PLD5: variants seen among roughly 807,000 people sequenced by gnomAD.
PLD5 encodes the protein inactive phospholipase D5.
A neutral mutation model predicts 61.1 loss-of-function variants in PLD5; 36 were observed. The ratio of observed to expected loss-of-function variants is 0.59; its 90% CI spans 0.45 to 0.78. The LOEUF (loss-of-function observed/expected upper bound fraction) is 0.78, where lower values mean the gene tolerates loss of function less well. Ranked by LOEUF, PLD5 falls within the 30% of genes least tolerant of loss-of-function variation. The pLI is 0.00. For missense variants in PLD5, 515 were observed against 644.4 expected (o/e 0.80, Z 2.17); for synonymous variants, 243 against 242.8 (o/e 1.00, Z -0.01).
intron 5 of PLD5, among the ~76,000 whole-genome samples, chr1:242,135,552 G>T (rs551207925): frequency 4.6e-5 from 7 of 152,146 alleles, no homozygotes; most frequent in African/African-American, 1.7e-4. Flanking sequence ...CCATTTTTCA[G>T]CATTGGATGC....
intron 5 of PLD5, among the ~76,000 whole-genome samples, chr1:242,215,599 A>G (rs1284984058): frequency 6.6e-6 from 1 of 152,170 alleles, no homozygotes; most frequent in Non-Finnish European, 1.5e-5. Flanking sequence ...CATGGGGAAG[A>G]AGGTATGCTT....
intron 1 of PLD5, among the ~76,000 whole-genome samples, chr1:242,404,359 T>A (rs1037213632): frequency 1.4e-4 from 21 of 152,118 alleles, no homozygotes; most frequent in African/African-American, 4.8e-4. Flanking sequence ...ACCCATGAGA[T>A]AACCTGAGAT....
intron 2 of PLD5, among the ~76,000 whole-genome samples, chr1:242,316,399 C>T (rs1045297704): frequency 2.6e-5 from 4 of 152,136 alleles, no homozygotes; most frequent in African/African-American, 9.7e-5. Flanking sequence ...TCCACTATTG[C>T]AGGCACCTTC....
chr1:242,149,670 TAC>T (rs58100712), intron 5 of PLD5, among the ~76,000 whole-genome samples: 19,053 of 146,190 alleles, frequency 0.13, 2,990 homozygotes, highest in African/African-American at 0.37. Context: ...TTTATACACA[TAC>T]ACACACACAC....
intron 1 of PLD5, among the ~76,000 whole-genome samples, chr1:242,375,973 A>AT (rs1160824970): frequency 7.9e-5 from 12 of 152,188 alleles, no homozygotes; most frequent in East Asian, 3.9e-4. Flanking sequence ...AAGTCAACTG[A>AT]TTTTTTTCTG....
chr1:242,489,331 CTG>C (rs1668063893), intron 1 of PLD5, among the ~76,000 whole-genome samples: 1 of 150,600 alleles, frequency 6.6e-6, no homozygotes, highest in South Asian at 2.1e-4. Context: ...ATTCATCTAA[CTG>C]TGCATTTTAT....
intron 5 of PLD5, among the ~76,000 whole-genome samples, chr1:242,188,031 A>C (rs1284744054): frequency 6.6e-6 from 1 of 151,950 alleles, no homozygotes; most frequent in African/African-American, 2.4e-5. Flanking sequence ...ATGATTAACA[A>C]GGAGGGACTA....
intron 5 of PLD5, among the ~76,000 whole-genome samples, chr1:242,174,560 A>G (rs1174594231): frequency 1.3e-5 from 2 of 152,212 alleles, no homozygotes; most frequent in Non-Finnish European, 2.9e-5. Flanking sequence ...TATGTACCCA[A>G]AGGATTATAA....
intron 5 of PLD5, among the ~76,000 whole-genome samples, chr1:242,174,799 A>C (rs1408438479): frequency 1.3e-5 from 2 of 152,034 alleles, no homozygotes; most frequent in Non-Finnish European, 2.9e-5. Flanking sequence ...TATCACAAGG[A>C]CAAAAAACCA....
chr1:242,443,106 G>A (rs10926737), intron 1 of PLD5, among the ~76,000 whole-genome samples: 6,022 of 152,180 alleles, frequency 0.04, 248 homozygotes, highest in East Asian at 0.15. Context: ...TAAATCCTAT[G>A]GACAAGGCTG....
intron 1 of PLD5, among the ~76,000 whole-genome samples, chr1:242,418,089 T>C (rs1444757869): frequency 1.3e-5 from 2 of 152,180 alleles, no homozygotes; most frequent in Non-Finnish European, 2.9e-5. Context: ...AACTAGGATG[T>C]TGCATTAGAA....
intron 5 of PLD5, among the ~76,000 whole-genome samples, chr1:242,183,617 C>T (rs1478500823): frequency 3.3e-5 from 5 of 152,158 alleles, no homozygotes; most frequent in African/African-American, 4.8e-5. Flanking sequence ...ACACCTAGGC[C>T]GGGCGCGGTG....
chr1:242,524,331 G>A lies in PLD5; in HGVS notation c.-55C>T, dbSNP rs1669376962. The A allele has an allele frequency of 4.4e-6, 6 of 1,349,884 alleles. No individual in the cohort carries two copies. In the South Asian group the frequency reaches 1.1e-4, roughly 24 times the overall value. 83.6% of individuals were successfully genotyped at this position (1,349,884 alleles called of 1,614,324 possible). A position where few individuals can be genotyped will look rare whatever the true frequency, so the allele number is the denominator to read the frequency against. On this transcript the variant is annotated 5_prime_UTR_variant, in exon 1 of 10. Coordinates refer to ENST00000536534, the MANE Select transcript of PLD5 (RefSeq NM_001372062.1). Reference sequence around the variant, plus strand: ...CAGCGGACTCGGGACGGGCGCGCGGGGAGCCGGGCGCGGAGGGCGAGCGGG... The same window carrying A: ...CAGCGGACTCGGGACGGGCGCGCGGAGAGCCGGGCGCGGAGGGCGAGCGGG...
At chr1:242,397,183 C>A (rs1309296609) in intron 1 of PLD5, among the ~76,000 whole-genome samples, 1 of 152,034 alleles carries the variant, frequency 6.6e-6, no homozygotes, top group Non-Finnish European at 1.5e-5. Flanking sequence ...TCTACATAGA[C>A]CTCGTTGGAC....
In PLD5 at chr1:242,448,256, T is replaced by C. The variant is rs114737043; in HGVS notation, c.189+75832A>G. 4.6e-3 allele frequency among the ~76,000 whole-genome samples: 694 copies of C among 152,326 alleles called. 8 individuals are homozygous for C. Among genetic ancestry groups the C allele is most frequent in the African/African-American group, 0.016 (658 of 41,572 alleles). ...TGGTGCATGAAGGCAGGGAATGAGA[T>C]GAATGATTCTCATAGATCTGGTTTC... On this transcript the variant is annotated intron_variant, in intron 1 of 9. Coordinates refer to ENST00000536534, the MANE Select transcript of PLD5 (RefSeq NM_001372062.1).
chr1:242,273,768 C>A (rs983011325), intron 3 of PLD5, among the ~76,000 whole-genome samples: 6 of 152,096 alleles, frequency 3.9e-5, no homozygotes, highest in African/African-American at 1.4e-4. Flanking sequence ...AAGAGATGGG[C>A]AAAAGGGGAT....
rs182788005 is a variant in PLD5, at chr1:242,376,824, G to A, written c.190-28582C>T. On this transcript the variant is annotated intron_variant, in intron 1 of 9. Coordinates refer to ENST00000536534, the MANE Select transcript of PLD5 (RefSeq NM_001372062.1). ...AGAATATATTGCAACAGCCTAGACA[G>A]TACTGTTAATTCTATTATCCCACTG... 6.5e-6 allele frequency: 8 copies of A among 1,237,866 alleles called. No individual in the cohort carries two copies. In the East Asian group the frequency reaches 1.3e-4, roughly 20 times the overall value. The allele number at this position is 1,237,866 out of a possible 1,614,324, so 76.7% of individuals were successfully genotyped here.
At chr1:242,231,603 G>A (rs981372112) in intron 4 of PLD5, among the ~76,000 whole-genome samples, 3 of 152,100 alleles carry the variant, frequency 2.0e-5, no homozygotes, top group Non-Finnish European at 4.4e-5. Flanking sequence ...AAAACATATG[G>A]CTACCATTGA....
At chr1:242,416,378 G>A (rs1428720724) in intron 1 of PLD5, among the ~76,000 whole-genome samples, 1 of 151,954 alleles carries the variant, frequency 6.6e-6, no homozygotes, top group African/African-American at 2.4e-5. Flanking sequence ...AAAAGGAAAG[G>A]ATTACCACTA....
Sources: gnomAD v4.1 joint callset for allele counts (sites outside exome capture counted in the v4.1 genomes callset) on GRCh38, gnomAD v4.1.1 for gene constraint, MANE v1.5 for transcripts, NCBI Gene and HGNC (gene_info 2026-07-23, HGNC 2026-07-21) for gene names.